The following MAMLD1 variants were observed in gnomAD, a reference collection of about 807,000 sequenced individuals.
MAMLD1 encodes mastermind-like domain-containing protein 1.
MAMLD1 carries 14 observed loss-of-function variants against 45.0 expected under a neutral mutation model. That is an observed-to-expected ratio of 0.31 (90% CI 0.21 to 0.49). MAMLD1 has a LOEUF of 0.49. Among genes scored for constraint, MAMLD1 ranks in the 20% least tolerant of loss-of-function variants. The pLI is 0.99. For missense variants in MAMLD1, 543 were observed against 603.6 expected, an observed-to-expected ratio of 0.90 and a Z score of 1.05; for synonymous variants, 254 against 247.8, an observed-to-expected ratio of 1.02 and a Z score of -0.24.
chrX:150,468,121 C>G (rs931784605), intron 3 of MAMLD1, among the ~76,000 whole-genome samples: 11 of 111,773 alleles, frequency 9.8e-5, no homozygotes, highest in African/African-American at 3.6e-4. Context: ...GAAAAACTCC[C>G]GATGCCTGGG....
At chrX:150,490,295 G>A (rs1313224433) in intron 5 of MAMLD1, among the ~76,000 whole-genome samples, 1 of 112,328 alleles carries the variant, frequency 8.9e-6, no homozygotes, top group Non-Finnish European at 1.9e-5. Flanking sequence ...CAAAGCCAAG[G>A]CTGGCTTGAC....
chrX:150,503,655 C>T (rs2037635342), intron 6 of MAMLD1, 138 bp downstream of exon 6: 2 of 489,881 alleles, frequency 4.1e-6, no homozygotes, highest in South Asian at 2.8e-5. Context: ...GCTCTGTCCA[C>T]CCATGAGGGA....
chrX:150,384,192 C>A (rs1557401967), intron 1 of MAMLD1, among the ~76,000 whole-genome samples: 1 of 112,154 alleles, frequency 8.9e-6, no homozygotes, highest in African/African-American at 3.2e-5. Flanking sequence ...AACTGCCAAA[C>A]TGTTCCAAAG....
rs1290274298 is a variant in MAMLD1, at chrX:150,512,343, C to A, written c.*384C>A. 7.9e-6 allele frequency: 9 copies of A among 1,132,394 alleles called. No individual in the cohort carries two copies. The East Asian group carries it at 2.6e-4, about 33-fold the overall frequency. The allele number at this position is 1,132,394 out of a possible 1,213,427, so 93.3% of individuals were successfully genotyped here. On this transcript the variant is annotated 3_prime_UTR_variant, in exon 8 of 8. Transcript: ENST00000370401. ...GGGTTCTGTCCCAGCTCCCTGGGCACCCAGTCCTTGAGTCCCCACCAGCTC... is the reference window on the plus strand; with the variant it reads ...GGGTTCTGTCCCAGCTCCCTGGGCAACCAGTCCTTGAGTCCCCACCAGCTC...
At chrX:150,425,927 G>T (rs2034689375) in intron 1 of MAMLD1, among the ~76,000 whole-genome samples, 1 of 111,992 alleles carries the variant, frequency 8.9e-6, no homozygotes, top group Non-Finnish European at 1.9e-5. Flanking sequence ...AAAGATAGCT[G>T]TTATATTCCT....
intron 5 of MAMLD1, among the ~76,000 whole-genome samples, chrX:150,481,964 A>AAAAAGAAAG (rs2036792193): frequency 1.8e-5 from 1 of 56,596 alleles, no homozygotes; most frequent in Non-Finnish European, 3.3e-5. Flanking sequence ...AAAGAAAGAA[A>AAAAAGAAAG]AAAGAAAGAA....
chrX:150,509,709 A>G (rs2037844108), intron 6 of MAMLD1: 2 of 390,117 alleles, frequency 5.1e-6, no homozygotes, highest in Non-Finnish European at 4.5e-6. Context: ...TGCTCTTGCT[A>G]TTAAGTTCTG....
chrX:150,362,418 C>T (rs781818460), upstream of MAMLD1, among the ~76,000 whole-genome samples: 8 of 109,861 alleles, frequency 7.3e-5, no homozygotes, highest in African/African-American at 2.7e-4. Flanking sequence ...TCCCTCTCCT[C>T]CTCTCCTTAT....
chrX:150,507,782 C>G (rs782084980), intron 6 of MAMLD1, among the ~76,000 whole-genome samples: 69 of 112,435 alleles, frequency 6.1e-4, no homozygotes, highest in Non-Finnish European at 8.1e-4. Flanking sequence ...CTGGCACGCC[C>G]CTGGGCTTGG....
intron 1 of MAMLD1, among the ~76,000 whole-genome samples, chrX:150,441,499 T>C (rs2035314887): frequency 9.0e-6 from 1 of 110,685 alleles, no homozygotes; most frequent in Non-Finnish European, 1.9e-5. Flanking sequence ...ATTTTCACTT[T>C]AATTCAGTTC....
At chrX:150,392,779 T>TAA (rs56044976) in intron 1 of MAMLD1, among the ~76,000 whole-genome samples, 67 of 106,033 alleles carry the variant, frequency 6.3e-4, no homozygotes, top group Non-Finnish European at 1.1e-3. Flanking sequence ...GTTTTTTAAT[T>TAA]AAAAAAAAAA....
chrX:150,371,524 C>T (rs1165868726), intron 1 of MAMLD1, among the ~76,000 whole-genome samples: 1 of 111,440 alleles, frequency 9.0e-6, no homozygotes, highest in Admixed American at 9.5e-5. Context: ...GGCCTGGTGG[C>T]CCCAGCTTGT....
In MAMLD1 at chrX:150,382,457, A is replaced by T. The variant is rs1603221132; in HGVS notation, c.-64+18927A>T. Among the ~76,000 whole-genome samples the T allele has an allele frequency of 2.7e-5, 3 of 111,621 alleles. No homozygotes were observed. In the Admixed American group the frequency reaches 2.9e-4, roughly 11 times the overall value. On this transcript the variant is annotated intron_variant, in intron 1 of 7. Transcript: ENST00000370401. ...ATAATTGTTTCTCAAAATTGTTTTA[A>T]CCTAGGACTTGTGCCTTTCCATATA...
chrX:150,377,405 A>T (rs200427778), intron 1 of MAMLD1, among the ~76,000 whole-genome samples: 2 of 113,275 alleles, frequency 1.8e-5, no homozygotes, highest in South Asian at 3.6e-4. Context: ...ACAGTACATG[A>T]CCTTTAAATC....
chrX:150,405,499 G>A (rs782417326), intron 1 of MAMLD1, among the ~76,000 whole-genome samples: 24 of 111,652 alleles, frequency 2.1e-4, no homozygotes, highest in African/African-American at 7.5e-4. Context: ...TGAATGGGCA[G>A]TTTTTCTGGG....
intron 2 of MAMLD1, among the ~76,000 whole-genome samples, chrX:150,459,625 G>T (rs1219318508): frequency 9.1e-6 from 1 of 110,082 alleles, no homozygotes. Context: ...TACAATGAGG[G>T]TGGGGGTGAT....
chrX:150,395,191 T>C (rs1035648694), intron 1 of MAMLD1, among the ~76,000 whole-genome samples: 13 of 112,172 alleles, frequency 1.2e-4, no homozygotes, highest in Middle Eastern at 4.6e-3. Flanking sequence ...GATATGATCA[T>C]GTGATTTTTC....
chrX:150,497,141 G>A (rs188651139), intron 5 of MAMLD1, among the ~76,000 whole-genome samples: 1 of 111,877 alleles, frequency 8.9e-6, no homozygotes, highest in East Asian at 2.8e-4. Flanking sequence ...ATTTTTCCAG[G>A]TCTTGCTTAG....
intron 1 of MAMLD1, among the ~76,000 whole-genome samples, chrX:150,425,843 G>A (rs782777421): frequency 8.9e-6 from 1 of 112,450 alleles, no homozygotes; most frequent in African/African-American, 3.2e-5. Context: ...GTACCTTGTG[G>A]GGTTGTTGGA....
Sources: allele counts gnomAD v4.1 joint callset (sites outside exome capture counted in the v4.1 genomes callset), GRCh38; gene constraint gnomAD v4.1.1; transcripts MANE v1.5; gene names NCBI Gene and HGNC (gene_info 2026-07-23, HGNC 2026-07-21).